MARK3: variants seen among roughly 807,000 people sequenced by gnomAD.
The protein encoded by MARK3 is MAP/microtubule affinity-regulating kinase 3.
Under a neutral mutation model 90.1 loss-of-function variants are expected in MARK3, and 46 were observed. The observed-to-expected ratio is 0.51, with a 90% CI of 0.40 to 0.65. The LOEUF (loss-of-function observed/expected upper bound fraction) is 0.65. Ranked by LOEUF, MARK3 falls within the 30% of genes least tolerant of loss-of-function variation. The pLI is 0.00. For missense variants in MARK3, 818 were observed against 947.2 expected (o/e 0.86, Z 1.79); for synonymous variants, 321 against 332.6 (o/e 0.97, Z 0.38).
At chr14:103,500,875 A>G (rs1252840790) in intron 17 of MARK3, among the ~76,000 whole-genome samples, 1 of 151,640 alleles carries the variant, frequency 6.6e-6, no homozygotes, top group East Asian at 1.9e-4. Flanking sequence ...TCCCACCTCA[A>G]CCTCCCAAAG....
chr14:103,502,730 T>C (rs1330128740), intron 17 of MARK3, 152 bp from the exon 18 acceptor site: 4 of 629,972 alleles, frequency 6.3e-6, no homozygotes, highest in Non-Finnish European at 1.1e-5. Flanking sequence ...TAGACGAAAA[T>C]AGACTTAGTT....
chr14:103,427,167 T>TC (rs1269751086), intron 2 of MARK3, among the ~76,000 whole-genome samples: 1 of 151,362 alleles, frequency 6.6e-6, no homozygotes, highest in Admixed American at 6.6e-5. Context: ...CAATTTTCTT[T>TC]TTTTTTTTTC....
chr14:103,426,683 A>T (rs1329223221), intron 2 of MARK3, among the ~76,000 whole-genome samples: 1 of 152,148 alleles, frequency 6.6e-6, no homozygotes, highest in East Asian at 1.9e-4. Context: ...CGTGACAGTG[A>T]TGAGCTGACC....
intron 15 of MARK3, 78 bp downstream of exon 15, chr14:103,492,112 A>G: frequency 1.3e-6 from 2 of 1,504,852 alleles, no homozygotes; most frequent in Non-Finnish European, 1.8e-6. Flanking sequence ...GTGTGAAGCC[A>G]CTGCTACCTG....
intron 6 of MARK3, among the ~76,000 whole-genome samples, chr14:103,457,481 C>T (rs182083437): frequency 1.3e-5 from 2 of 152,252 alleles, no homozygotes; most frequent in Admixed American, 6.5e-5. Flanking sequence ...AAATCTAGAG[C>T]CTTTCAAAAA....
chr14:103,436,028 T>G (rs1319812312), intron 3 of MARK3, among the ~76,000 whole-genome samples: 1 of 151,998 alleles, frequency 6.6e-6, no homozygotes, highest in Admixed American at 6.6e-5. Context: ...GTAGCTGGGA[T>G]TACAGGCACC....
intron 1 of MARK3, among the ~76,000 whole-genome samples, 188 bp from the exon 2 acceptor site, chr14:103,404,888 C>G (rs951159259): frequency 6.6e-6 from 1 of 152,096 alleles, no homozygotes; most frequent in Non-Finnish European, 1.5e-5. Flanking sequence ...TTCAACACTT[C>G]GTATTTTTCG....
At chr14:103,457,275 A>T in intron 6 of MARK3, 63 bp downstream of exon 6, 2 of 1,276,098 alleles carry the variant, frequency 1.6e-6, no homozygotes, top group South Asian at 2.5e-5. Flanking sequence ...ACCCTGAAGC[A>T]AACAAGTGTT....
At chr14:103,425,625 C>T (rs369401935) in intron 2 of MARK3, among the ~76,000 whole-genome samples, 5 of 152,132 alleles carry the variant, frequency 3.3e-5, no homozygotes, top group African/African-American at 1.2e-4. Context: ...ATGTCTTTTC[C>T]CCAGTTGAGA....
chr14:103,479,142 T>A (rs1235673429), intron 13 of MARK3, among the ~76,000 whole-genome samples: 1 of 152,084 alleles, frequency 6.6e-6, no homozygotes, highest in Non-Finnish European at 1.5e-5. Context: ...CACCTCAGCC[T>A]CCCAAATAGC....
chr14:103,426,237 CTTA>C (rs1225133754), intron 2 of MARK3, among the ~76,000 whole-genome samples: 1 of 146,126 alleles, frequency 6.8e-6, no homozygotes, highest in Non-Finnish European at 1.5e-5. Flanking sequence ...TTATAATGTG[CTTA>C]TTGTTATTTT....
chr14:103,448,813 ATC>A (rs1340675995), intron 3 of MARK3, 104 bp from the exon 4 acceptor site: 1 of 1,105,896 alleles, frequency 9.0e-7, no homozygotes, highest in Non-Finnish European at 1.3e-6. Flanking sequence ...TTAGCAATGA[ATC>A]TGTTATCTAA....
chr14:103,465,757 C>T lies in MARK3; in HGVS notation c.741C>T (p.Val247=). ...WSLGVILYTL[V]SGSLPFDGQN... The stretch of plus-strand genomic sequence containing the variant: ...TGGGGGTCATTTTATACACACTAGT[C>T]AGTGGCTCACTTCCCTTTGATGGGC... Residue 247 remains valine, a synonymous_variant, in exon 8 of 18, where the codon GTC becomes GTT. Coordinates refer to ENST00000429436, the MANE Select transcript of MARK3 (RefSeq NM_001128918.3). 1 of 1,614,080 alleles carries T rather than the reference C, an allele frequency of 6.2e-7. No individual in the cohort carries two copies. The highest frequency in any genetic ancestry group is 8.5e-7 in the Non-Finnish European group (1 of 1,180,002).
intron 1 of MARK3, among the ~76,000 whole-genome samples, chr14:103,398,501 G>A (rs907741909): frequency 1.3e-5 from 2 of 152,156 alleles, no homozygotes; most frequent in East Asian, 1.9e-4. Context: ...ATCAAGGACA[G>A]ACATCCCATT....
At chr14:103,414,700 T>C (rs1348340573) in intron 2 of MARK3, among the ~76,000 whole-genome samples, 2 of 152,216 alleles carry the variant, frequency 1.3e-5, no homozygotes, top group Non-Finnish European at 2.9e-5. Flanking sequence ...TATTGTGTAT[T>C]ATGTTGAGAG....
intron 1 of MARK3, among the ~76,000 whole-genome samples, chr14:103,402,940 T>G (rs1189420956): frequency 6.6e-6 from 1 of 151,874 alleles, no homozygotes; most frequent in African/African-American, 2.4e-5. Flanking sequence ...CAGTAGCCAT[T>G]AGATAAACTG....
intron 6 of MARK3, among the ~76,000 whole-genome samples, chr14:103,460,101 TTTTG>T (rs1484808411): frequency 9.7e-5 from 11 of 112,856 alleles, no homozygotes; most frequent in Admixed American, 2.8e-4. Context: ...TTTTTTTTTT[TTTTG>T]AGACAAATCT....
intron 2 of MARK3, among the ~76,000 whole-genome samples, chr14:103,424,538 CAA>C (rs1195082997): frequency 8.9e-5 from 1 of 11,264 alleles, no homozygotes; most frequent in African/African-American, 1.3e-4. Flanking sequence ...AAAAAAAAAA[CAA>C]AAAAAAGAAT....
intron 5 of MARK3, among the ~76,000 whole-genome samples, chr14:103,453,296 G>T (rs2093198684): frequency 6.6e-6 from 1 of 152,144 alleles, no homozygotes; most frequent in African/African-American, 2.4e-5. Context: ...CCTGCCTCTA[G>T]CACACTGCCT....
Sources: allele counts gnomAD v4.1 joint callset (sites outside exome capture counted in the v4.1 genomes callset), GRCh38; gene constraint gnomAD v4.1.1; transcripts MANE v1.5; gene names NCBI Gene and HGNC (gene_info 2026-07-23, HGNC 2026-07-21).